The following SMC3 variants were observed in gnomAD, a reference collection of about 807,000 sequenced individuals.
SMC3 encodes the protein structural maintenance of chromosomes protein 3.
In SMC3, 20 loss-of-function variants were observed where a neutral mutation model predicts 171.8. That is an observed-to-expected ratio of 0.12 (90% confidence interval 0.08 to 0.17). The LOEUF is 0.17. Ranked by LOEUF, SMC3 falls within the 10% of genes least tolerant of loss-of-function variation. The pLI is 1.00. For missense variants in SMC3, 543 were observed against 1,420.4 expected, an observed-to-expected ratio of 0.38 and a Z score of 9.93; for synonymous variants, 464 against 451.1, an observed-to-expected ratio of 1.03 and a Z score of -0.36.
At chr10:110,574,876 C>T (rs1184301658) in intron 3 of SMC3, among the ~76,000 whole-genome samples, 2 of 152,164 alleles carry the variant, frequency 1.3e-5, no homozygotes, top group Non-Finnish European at 2.9e-5. Context: ...CAAACATTTC[C>T]CTGTATTTCC....
rs1861444143 is a variant in SMC3 at position 110,604,763 on chromosome 10, T to C, written c.*461T>C. 1.2e-5 allele frequency: 2 copies of C among 165,756 alleles called. No homozygotes were observed. The highest frequency in any genetic ancestry group is 2.6e-5 in the Non-Finnish European group (2 of 76,674). 10.3% of individuals were successfully genotyped at this position (165,756 alleles called of 1,614,324 possible). ...GACCTGTCTCCAAATACAGTTAAAT[T>C]TGAGGTATTGAGGGTTAGGACTTCA... On this transcript the variant is annotated 3_prime_UTR_variant, in exon 29 of 29. Transcript: ENST00000361804.
At position 110,604,395 on chromosome 10, in the gene SMC3, A is replaced by G. The variant is rs1481868519; in HGVS notation, c.*93A>G. On this transcript the variant is annotated 3_prime_UTR_variant, in exon 29 of 29. Transcript: ENST00000361804. ...AAATTTAAACCTAAATATTTGGCCAATAGTTTTCAGACTTAAAGCATCATA... is the reference window on the plus strand; with the variant it reads ...AAATTTAAACCTAAATATTTGGCCAGTAGTTTTCAGACTTAAAGCATCATA... The G allele has an allele frequency of 3.8e-5, 35 of 911,344 alleles. No individual in the cohort carries two copies. The Middle Eastern group carries it at 9.7e-4, about 25-fold the overall frequency. The allele number at this position is 911,344 out of a possible 1,614,324, so 56.5% of individuals were successfully genotyped here. A position where few individuals can be genotyped will look rare whatever the true frequency, so the allele number is the denominator to read the frequency against.
chr10:110,586,206 A>G (rs2134730401), intron 13 of SMC3, among the ~76,000 whole-genome samples: 1 of 152,314 alleles, frequency 6.6e-6, no homozygotes, highest in Admixed American at 6.5e-5. Context: ...TTGTACTCAT[A>G]TTCTCACTTT....
chr10:110,588,194 G>A (rs1479994136), intron 13 of SMC3, among the ~76,000 whole-genome samples: 2 of 152,150 alleles, frequency 1.3e-5, no homozygotes, highest in Non-Finnish European at 2.9e-5. Flanking sequence ...GTTTCACGAT[G>A]TTGCCCAGGA....
intron 2 of SMC3, among the ~76,000 whole-genome samples, chr10:110,572,352 T>A (rs1203623432): frequency 6.6e-6 from 1 of 152,210 alleles, no homozygotes; most frequent in East Asian, 1.9e-4. Context: ...CCCAGAAGTG[T>A]TCTTGATAGC....
rs755028841 is a variant in SMC3, at chr10:110,567,778, T to A, written c.-39T>A. The A allele has an allele frequency of 3.7e-6, 6 of 1,613,164 alleles. No individual in the cohort carries two copies. The East Asian group carries it at 1.1e-4, about 30-fold the overall frequency. ...GACCCTGCGGCCGTGCGGTTGCTGC[T>A]CCGGGGCAGGTCTCCTTCCAGGCCA... is the stretch of plus-strand genomic sequence containing the variant. On this transcript the variant is annotated 5_prime_UTR_variant, in exon 1 of 29. Coordinates refer to ENST00000361804, the MANE Select transcript of SMC3 (RefSeq NM_005445.4).
At chr10:110,602,276 A>G (rs560671274) in intron 25 of SMC3, 98 bp downstream of exon 25, 39 of 1,144,910 alleles carry the variant, frequency 3.4e-5, no homozygotes, top group Non-Finnish European at 4.8e-5. Flanking sequence ...CCTCATTACC[A>G]GGTGAATCTA....
chr10:110,596,314 C>G, intron 18 of SMC3, 84 bp from the exon 19 acceptor site: 1 of 1,313,336 alleles, frequency 7.6e-7, no homozygotes, highest in South Asian at 1.4e-5. Context: ...TACTTAAAGC[C>G]TGTAGGTTAG....
At chr10:110,601,464 CATAT>C (rs1375437735) in intron 23 of SMC3, among the ~76,000 whole-genome samples, 169 bp from the exon 24 acceptor site, 5 of 152,104 alleles carry the variant, frequency 3.3e-5, no homozygotes, top group Admixed American at 6.5e-5. Context: ...TTGAGTGACT[CATAT>C]ATACTTCTAA....
intron 4 of SMC3, 124 bp downstream of exon 4, chr10:110,575,527 C>T (rs1266185986): frequency 1.3e-6 from 1 of 778,432 alleles, no homozygotes. Context: ...CAATCTTTCT[C>T]ATAAGTGTGT....
intron 5 of SMC3, among the ~76,000 whole-genome samples, 157 bp from the exon 6 acceptor site, chr10:110,577,678 C>T (rs1190616568): frequency 6.6e-6 from 1 of 152,054 alleles, no homozygotes; most frequent in African/African-American, 2.4e-5. Flanking sequence ...TGAAAAGTGT[C>T]TTGGTTAAGA....
Position 110,601,887 on chromosome 10 carries a change from T to C in SMC3, c.2892+3T>C. 1 of 1,613,934 alleles carries C rather than the reference T, an allele frequency of 6.2e-7. No individual in the cohort carries two copies. The highest frequency in any genetic ancestry group is 8.5e-7 in the Non-Finnish European group (1 of 1,179,900). ...ACCAGACACTGAGCCTCAAACAGGT[T>C]GGTTTTAAATTTGAAGTCTTGTTAC... On this transcript the variant is annotated splice_donor_region_variant and intron_variant, in intron 24 of 28. Transcript: ENST00000361804.
At position 110,602,015 on chromosome 10, in the gene SMC3, A is replaced by G; in HGVS notation, c.2942A>G (p.His981Arg). 1.2e-6 allele frequency: 2 copies of G among 1,613,800 alleles called. No homozygotes were observed. The highest frequency in any genetic ancestry group is 1.7e-6 in the Non-Finnish European group (2 of 1,179,916). The change falls in exon 25 of 29, where the codon CAT becomes CGT. Residue 981 changes from histidine (H) to arginine (R), a missense_variant. Physicochemically the swap from His to Arg is conservative, Grantham distance 29. This residue lies in a region of SMC3 where 81 missense variants were observed against 184.2 expected (regional missense o/e 0.44). Transcript: ENST00000361804. ...QCNTELKKYS[H>R]VNKKALDQFV... ...AACACAGAATTAAAGAAGTACAGCC[A>G]TGTTAACAAAAAGGCTTTGGATCAG...
chr10:110,587,156 C>T (rs185534538), intron 13 of SMC3, among the ~76,000 whole-genome samples: 2 of 152,232 alleles, frequency 1.3e-5, no homozygotes, highest in Admixed American at 1.3e-4. Flanking sequence ...GGTATCTTGG[C>T]CGTAGCAACT....
chr10:110,585,774 GTATAT>G (rs1554882819), intron 13 of SMC3, among the ~76,000 whole-genome samples: 1 of 151,282 alleles, frequency 6.6e-6, no homozygotes, highest in Non-Finnish European at 1.5e-5. Flanking sequence ...CTTATTAATT[GTATAT>G]TATATATAAT....
At chr10:110,604,152 T>G in intron 28 of SMC3, 79 bp from the exon 29 acceptor site, 1 of 799,436 alleles carries the variant, frequency 1.3e-6, no homozygotes. Flanking sequence ...ATGTAGTTGA[T>G]AGGCTGTATA....
intron 17 of SMC3, among the ~76,000 whole-genome samples, chr10:110,592,415 C>T (rs2134739130): frequency 6.6e-6 from 1 of 152,212 alleles, no homozygotes; most frequent in South Asian, 2.1e-4. Context: ...GTCAGCAGTG[C>T]TCTGTTTCTT....
chr10:110,573,606 A>G, intron 2 of SMC3, 101 bp from the exon 3 acceptor site: 1 of 789,050 alleles, frequency 1.3e-6, no homozygotes. Context: ...GATGTATTAG[A>G]AAATTGGATT....
chr10:110,594,198 T>C (rs1339026112), intron 18 of SMC3, among the ~76,000 whole-genome samples: 1 of 138,118 alleles, frequency 7.2e-6, no homozygotes, highest in African/African-American at 3.0e-5. Flanking sequence ...TTTTAATTTT[T>C]AAATTTATTT....
Sources: gnomAD v4.1 joint callset for allele counts (sites outside exome capture counted in the v4.1 genomes callset) on GRCh38, gnomAD v4.1.1 for gene constraint, gnomAD v4.1.1 regional missense constraint, MANE v1.5 for transcripts, NCBI Gene and HGNC (gene_info 2026-07-23, HGNC 2026-07-21) for gene names.